The following ATG4C variants were observed in gnomAD, a reference collection of about 807,000 sequenced individuals.
ATG4C encodes autophagy related 4C cysteine peptidase.
ATG4C carries 56 observed loss-of-function variants against 57.6 expected under a neutral mutation model. The observed-to-expected ratio is 0.97, with a 90% CI of 0.78 to 1.21. ATG4C has a LOEUF of 1.21. Among genes scored for constraint, ATG4C ranks in the 50% most tolerant of loss-of-function variants. The pLI, the probability that ATG4C is intolerant of heterozygous loss-of-function variation, is 0.00. For synonymous variants in ATG4C, 157 were observed against 174.1 expected (o/e 0.90, Z 0.78); for missense variants, 595 against 529.8 (o/e 1.12, Z -1.21).
intron 10 of ATG4C, among the ~76,000 whole-genome samples, chr1:62,847,197 G>T (rs1165750179): frequency 6.6e-6 from 1 of 150,720 alleles, no homozygotes; most frequent in African/African-American, 2.4e-5. Context: ...GAACAAAAAA[G>T]CATAAGTCTT....
Position 62,829,095 on chromosome 1 carries a change from A to T in ATG4C, c.852A>T (p.Ala284=). Residue 284 remains alanine (A), a synonymous_variant, in exon 7 of 11, where the codon GCA becomes GCT. Transcript: ENST00000317868. Reference sequence around the variant, plus strand: ...GTGCTTCCATGACTTCTGATAATGCAGATGACAAAGCTGTTATTATTCTAG... The same window carrying T: ...GTGCTTCCATGACTTCTGATAATGCTGATGACAAAGCTGTTATTATTCTAG... ...KQSASMTSDN[A]DDKAVIILVP... 6.2e-7 allele frequency: 1 copy of T among 1,613,128 alleles called. No individual in the cohort carries two copies. Among genetic ancestry groups the T allele is most frequent in the African/African-American group, 1.3e-5 (1 of 75,012 alleles).
intron 1 of ATG4C, among the ~76,000 whole-genome samples, chr1:62,796,000 A>G (rs890029328): frequency 1.3e-5 from 2 of 152,180 alleles, no homozygotes; most frequent in Admixed American, 6.5e-5. Flanking sequence ...GAATTTTGGC[A>G]TATCAGTTAA....
intron 9 of ATG4C, chr1:62,835,376 C>A: frequency 2.9e-6 from 1 of 346,630 alleles, no homozygotes. Context: ...TCTTCTTTTC[C>A]TTTATACAGG....
intron 1 of ATG4C, among the ~76,000 whole-genome samples, chr1:62,792,788 A>G (rs1664322491): frequency 6.6e-6 from 1 of 152,286 alleles, no homozygotes; most frequent in Non-Finnish European, 1.5e-5. Flanking sequence ...AGGATGTTTT[A>G]AAGGAGATCT....
rs772000085 is a variant in ATG4C, at chr1:62,805,286, A to T, written c.160+31A>T. On this transcript the variant is annotated intron_variant, in intron 3 of 10. Coordinates refer to ENST00000317868, the MANE Select transcript of ATG4C (RefSeq NM_032852.4). ...TACAAAATTTGTAAACCATTTAAAA[A>T]TTTTTGTAGAAATCATCATGTAACT... is the stretch of plus-strand genomic sequence containing the variant. 2.7e-6 allele frequency: 4 copies of T among 1,477,136 alleles called. No individual in the cohort carries two copies. In the African/African-American group the frequency reaches 4.4e-5, roughly 16 times the overall value. 91.5% of individuals were successfully genotyped at this position (1,477,136 alleles called of 1,614,324 possible).
intron 10 of ATG4C, among the ~76,000 whole-genome samples, chr1:62,857,512 GTAA>G (rs1409563486): frequency 6.6e-6 from 1 of 152,066 alleles, no homozygotes; most frequent in Non-Finnish European, 1.5e-5. Flanking sequence ...ATATTGCAAT[GTAA>G]TAATATAAAT....
intron 10 of ATG4C, among the ~76,000 whole-genome samples, chr1:62,842,969 A>C (rs1269905105): frequency 2.6e-5 from 4 of 152,328 alleles, no homozygotes; most frequent in East Asian, 3.9e-4. Context: ...GTATATGCTA[A>C]AGTATACAAA....
intron 10 of ATG4C, among the ~76,000 whole-genome samples, chr1:62,842,296 T>G (rs1666195178): frequency 7.0e-6 from 1 of 142,152 alleles, no homozygotes. Flanking sequence ...TCGTCATTTT[T>G]GGGAATTTTT....
At chr1:62,835,220 C>T (rs1406399641) in intron 9 of ATG4C, among the ~76,000 whole-genome samples, 1 of 150,498 alleles carries the variant, frequency 6.6e-6, no homozygotes. Flanking sequence ...AAGGGATAGA[C>T]GGGTTAGAGT....
At chr1:62,795,935 ATT>A (rs1557958043) in intron 1 of ATG4C, among the ~76,000 whole-genome samples, 1 of 152,104 alleles carries the variant, frequency 6.6e-6, no homozygotes, top group African/African-American at 2.4e-5. Flanking sequence ...TGTGAAGTAT[ATT>A]ATTTTGATGC....
At chr1:62,812,618 C>T (rs1665125074) in intron 3 of ATG4C, among the ~76,000 whole-genome samples, 1 of 152,032 alleles carries the variant, frequency 6.6e-6, no homozygotes. Flanking sequence ...AAGTTCTGGC[C>T]AGGGAAATCA....
At chr1:62,785,720 C>T (rs1020138900) in intron 1 of ATG4C, among the ~76,000 whole-genome samples, 1 of 152,042 alleles carries the variant, frequency 6.6e-6, no homozygotes, top group African/African-American at 2.4e-5. Flanking sequence ...TTTAAGCTAT[C>T]AAGTATGATC....
intron 10 of ATG4C, among the ~76,000 whole-genome samples, chr1:62,863,742 G>C (rs1196199965): frequency 2.0e-5 from 3 of 152,006 alleles, no homozygotes; most frequent in Non-Finnish European, 4.4e-5. Flanking sequence ...TGGGGAAGTG[G>C]GAGGTGAGAG....
chr1:62,823,271 T>C (rs1217490189), intron 6 of ATG4C, among the ~76,000 whole-genome samples: 1 of 152,256 alleles, frequency 6.6e-6, no homozygotes, highest in Non-Finnish European at 1.5e-5. Context: ...CGTTTAAAAG[T>C]ACACTTACTG....
At chr1:62,836,476 T>C (rs1572151244) in intron 9 of ATG4C, among the ~76,000 whole-genome samples, 1 of 152,220 alleles carries the variant, frequency 6.6e-6, no homozygotes, top group African/African-American at 2.4e-5. Context: ...ATTTTAGTTA[T>C]AGCATCACTT....
chr1:62,841,509 G>T lies in ATG4C; in HGVS notation c.1171G>T (p.Val391Phe). ...SCTIGFYCRN[V>F]QDFKRASEEI... The stretch of plus-strand genomic sequence containing the variant: ...TACAATAGGATTTTACTGTCGAAAT[G>T]TTCAGGACTTCAAACGAGCTTCTGA... Residue 391 changes from valine to phenylalanine, a missense_variant, in exon 10 of 11, where the codon GTT becomes TTT. Val to Phe is a conservative substitution (Grantham distance 50). Coordinates refer to ENST00000317868, the MANE Select transcript of ATG4C (RefSeq NM_032852.4). 7 of 1,602,704 alleles carry T rather than the reference G, an allele frequency of 4.4e-6. No homozygotes were observed. The highest frequency in any genetic ancestry group is 6.0e-6 in the Non-Finnish European group (7 of 1,174,322).
At chr1:62,822,447 T>A (rs1257188309) in intron 6 of ATG4C, among the ~76,000 whole-genome samples, 2 of 152,216 alleles carry the variant, frequency 1.3e-5, no homozygotes, top group Admixed American at 1.3e-4. Flanking sequence ...CCTAAGGATG[T>A]ACCTAAACAA....
At position 62,819,336 on chromosome 1, in the gene ATG4C, G is replaced by A. The variant is rs1214902534; in HGVS notation, c.725+1G>A. 6.4e-7 allele frequency: 1 copy of A among 1,568,156 alleles called. No homozygotes were observed. The highest frequency in any genetic ancestry group is 8.6e-7 in the Non-Finnish European group (1 of 1,163,366). ...CAGCTGTGGTTGCTCACATTTTAAG[G>A]TAAAATTGTTTTAAAATCTTTCTTC... is the stretch of plus-strand genomic sequence containing the variant. On this transcript the variant is annotated splice_donor_variant, in intron 5 of 10. Coordinates refer to ENST00000317868, the MANE Select transcript of ATG4C (RefSeq NM_032852.4). LOFTEE classifies it high-confidence loss of function.
At position 62,835,184 on chromosome 1, in the gene ATG4C, TAAAAAAA is replaced by T. The variant is rs59745958; in HGVS notation, c.1089+341_1089+347del. Among the ~76,000 whole-genome samples the T allele has an allele frequency of 2.2e-5, 3 of 135,550 alleles. No individual in the cohort carries two copies. The South Asian group carries it at 7.0e-4, about 32-fold the overall frequency. The allele number at this position is 135,550 out of a possible 152,430, so 88.9% of individuals were successfully genotyped here. On this transcript the variant is annotated intron_variant, in intron 9 of 10. Transcript: ENST00000317868. ...AAGAATTTAAAATGTAAGGCCTGTT[TAAAAAAA>T]AAAAAAAAGAAAAATAGAAAGGGAT... is the stretch of plus-strand genomic sequence containing the variant.
Sources: allele counts gnomAD v4.1 joint callset (sites outside exome capture counted in the v4.1 genomes callset), GRCh38; gene constraint gnomAD v4.1.1; transcripts MANE v1.5; gene names NCBI Gene and HGNC (gene_info 2026-07-23, HGNC 2026-07-21).